Variants in HMCN1 observed in about 807,000 individuals in gnomAD.
HMCN1 encodes the protein hemicentin-1.
A neutral mutation model predicts 625.9 loss-of-function variants in HMCN1; 321 were observed. The observed-to-expected ratio is 0.51, with a 90% CI of 0.47 to 0.56. The LOEUF (loss-of-function observed/expected upper bound fraction) is 0.56, where lower values mean the gene tolerates loss of function less well. HMCN1 is among the 20% of genes least tolerant of loss of function. The probability of loss-of-function intolerance (pLI) is 0.00; values close to 1 mark genes in which losing one functional copy is unlikely to be tolerated. For synonymous variants in HMCN1, 2,425 were observed against 2,417.6 expected (o/e 1.00, Z -0.09); for missense variants, 6,588 against 6,887.3 (o/e 0.96, Z 1.54).
chr1:185,939,599 T>C (rs1667986173), intron 11 of HMCN1, among the ~76,000 whole-genome samples: 1 of 152,194 alleles, frequency 6.6e-6, no homozygotes, highest in Admixed American at 6.5e-5. Context: ...TACTTTTCTG[T>C]ACTTGAAAAA....
At chr1:185,970,659 T>G (rs563706680) in intron 15 of HMCN1, among the ~76,000 whole-genome samples, 166 bp downstream of exon 15, 13 of 151,130 alleles carry the variant, frequency 8.6e-5, no homozygotes, top group South Asian at 4.2e-4. Flanking sequence ...CTAGGTGCTT[T>G]CTTTCTTTTT....
chr1:185,869,111 T>C (rs370801956), intron 4 of HMCN1, among the ~76,000 whole-genome samples: 22 of 152,326 alleles, frequency 1.4e-4, no homozygotes, highest in Middle Eastern at 3.4e-3. Context: ...GAATTTTAGC[T>C]AGGAGTATTT....
intron 86 of HMCN1, among the ~76,000 whole-genome samples, chr1:186,135,365 A>G (rs1032079617): frequency 6.6e-6 from 1 of 152,044 alleles, no homozygotes; most frequent in African/African-American, 2.4e-5. Context: ...TCTTCTGTCC[A>G]TCTCTTAAAT....
At chr1:185,829,728 T>A (rs1008850616) in intron 1 of HMCN1, among the ~76,000 whole-genome samples, 2 of 152,204 alleles carry the variant, frequency 1.3e-5, no homozygotes, top group African/African-American at 4.8e-5. Context: ...TGTATGTGCA[T>A]GTGTATAGTA....
At position 186,144,538 on chromosome 1, in the gene HMCN1, G is replaced by C; in HGVS notation, c.14101G>C (p.Gly4701Arg). The C allele has an allele frequency of 6.2e-7, 1 of 1,614,066 alleles. No individual in the cohort carries two copies. The highest frequency in any genetic ancestry group is 8.5e-7 in the Non-Finnish European group (1 of 1,180,002). The part of the protein sequence containing the change: ...VCNERNCPIH[G>R]KWATWASWSA... ...ACCTTTTTCCCTTATTCCAGTTCAT[G>C]GCAAGTGGGCGACTTGGGCCAGTTG... Residue 4701 changes from glycine (G) to arginine (R), a missense_variant, in exon 91 of 107, where the codon GGC (glycine) becomes CGC (arginine). Gly to Arg is a moderately radical substitution (Grantham distance 125, BLOSUM62 -2). Transcript: ENST00000271588.
chr1:185,801,081 G>A (rs1045738444), intron 1 of HMCN1, among the ~76,000 whole-genome samples: 2 of 152,030 alleles, frequency 1.3e-5, no homozygotes, highest in African/African-American at 2.4e-5. Flanking sequence ...CTGATATAAC[G>A]ACTGTACACA....
intron 1 of HMCN1, among the ~76,000 whole-genome samples, chr1:185,841,692 T>C (rs1240158137): frequency 1.3e-5 from 2 of 152,186 alleles, no homozygotes; most frequent in Non-Finnish European, 2.9e-5. Flanking sequence ...TAGTATCATA[T>C]GGTAGATGCT....
chr1:186,186,541 A>G (rs1263901065), intron 105 of HMCN1, among the ~76,000 whole-genome samples: 1 of 152,126 alleles, frequency 6.6e-6, no homozygotes, highest in Non-Finnish European at 1.5e-5. Context: ...AATAAAATAA[A>G]ATAGAGAGCT....
At chr1:185,880,074 G>A (rs1014298961) in intron 4 of HMCN1, among the ~76,000 whole-genome samples, 1 of 152,154 alleles carries the variant, frequency 6.6e-6, no homozygotes, top group East Asian at 1.9e-4. Context: ...GATATATGGG[G>A]TGCAGGATAA....
intron 97 of HMCN1, among the ~76,000 whole-genome samples, chr1:186,158,866 G>A (rs577385112): frequency 1.3e-5 from 2 of 152,074 alleles, no homozygotes; most frequent in African/African-American, 2.4e-5. Context: ...AAGTCAGGTA[G>A]CGTGATGCCT....
In HMCN1 at chr1:185,997,384, A is replaced by C. The variant is rs1426824376; in HGVS notation, c.3779-45A>C. 7.2e-6 allele frequency: 9 copies of C among 1,254,280 alleles called. No homozygotes were observed. In the African/African-American group the frequency reaches 1.3e-4, roughly 19 times the overall value. The allele number at this position is 1,254,280 out of a possible 1,614,324, so 77.7% of individuals were successfully genotyped here. A position where few individuals can be genotyped will look rare whatever the true frequency, so the allele number is the denominator to read the frequency against. ...TAATTGTGCCTTAGGAGAGTTTGAA[A>C]TTGCTCAAAGAAAGCCTGTGATAAT... On this transcript the variant is annotated intron_variant, in intron 24 of 106. Transcript: ENST00000271588.
intron 63 of HMCN1, among the ~76,000 whole-genome samples, chr1:186,089,969 A>G (rs1222870944): frequency 6.6e-6 from 1 of 151,942 alleles, no homozygotes; most frequent in African/African-American, 2.4e-5. Context: ...GCCAGTCTCC[A>G]TGGTGTAAAT....
chr1:186,039,918 A>G (rs1656097357), intron 39 of HMCN1, 39 bp downstream of exon 39: 3 of 1,579,028 alleles, frequency 1.9e-6, no homozygotes, highest in Middle Eastern at 1.7e-4. Context: ...TTACCACCTG[A>G]TTATTCAGTA....
At chr1:186,107,994 C>T (rs1295463954) in intron 70 of HMCN1, among the ~76,000 whole-genome samples, 2 of 150,310 alleles carry the variant, frequency 1.3e-5, no homozygotes, top group Non-Finnish European at 3.0e-5. Flanking sequence ...TTTAAGTGCC[C>T]CCATCATCCC....
chr1:185,992,915 AT>A (rs1182251918), intron 22 of HMCN1, among the ~76,000 whole-genome samples: 2 of 152,192 alleles, frequency 1.3e-5, no homozygotes, highest in African/African-American at 4.8e-5. Context: ...CATTTGCTTT[AT>A]AGAGCAGAAA....
chr1:186,074,447 A>G lies in HMCN1; in HGVS notation c.8140-294A>G, dbSNP rs943799717. 5.3e-5 allele frequency among the ~76,000 whole-genome samples: 8 copies of G among 152,022 alleles called. 1 individual carries two copies. Among genetic ancestry groups the G allele is most frequent in the Admixed American group, 4.6e-4 (7 of 15,238 alleles). On this transcript the variant is annotated intron_variant, in intron 52 of 106. Coordinates refer to ENST00000271588, the MANE Select transcript of HMCN1 (RefSeq NM_031935.3). Reference sequence around the variant, plus strand: ...ATTTTTCCAACATGAATAAATTAATATGATAACTAAGAACATATATTTATC... The same window carrying G: ...ATTTTTCCAACATGAATAAATTAATGTGATAACTAAGAACATATATTTATC...
chr1:186,051,967 G>A (rs1381013419), intron 42 of HMCN1, among the ~76,000 whole-genome samples: 1 of 151,978 alleles, frequency 6.6e-6, no homozygotes, highest in Non-Finnish European at 1.5e-5. Context: ...TATGGCTTCT[G>A]ATGGAAAATG....
intron 52 of HMCN1, among the ~76,000 whole-genome samples, chr1:186,074,373 A>G (rs923341119): frequency 1.0e-4 from 2 of 19,960 alleles, no homozygotes; most frequent in Non-Finnish European, 1.8e-4. Context: ...ATTTTCTACA[A>G]AATTATAAAA....
intron 28 of HMCN1, among the ~76,000 whole-genome samples, chr1:186,003,240 C>T (rs552510082): frequency 4.6e-5 from 7 of 152,178 alleles, no homozygotes; most frequent in Admixed American, 4.6e-4. Context: ...AAAACTAGCA[C>T]ATTATTTTTC....
Sources: gnomAD v4.1 joint callset for allele counts (sites outside exome capture counted in the v4.1 genomes callset) on GRCh38, gnomAD v4.1.1 for gene constraint, MANE v1.5 for transcripts, NCBI Gene and HGNC (gene_info 2026-07-23, HGNC 2026-07-21) for gene names.